CNTN6: variants seen among roughly 807,000 people sequenced by gnomAD.
The protein encoded by CNTN6 is contactin-6.
In CNTN6, 137 loss-of-function variants were observed where a neutral mutation model predicts 122.8. The ratio of observed to expected loss-of-function variants is 1.12; its 90% CI spans 0.97 to 1.29. The LOEUF (loss-of-function observed/expected upper bound fraction) is 1.29, where lower values mean the gene tolerates loss of function less well. Ranked by LOEUF, CNTN6 falls within the 50% of genes most tolerant of loss-of-function variation. The pLI is 0.00. For synonymous variants in CNTN6, 570 were observed against 426.0 expected (o/e 1.34, Z -4.16); for missense variants, 1,634 against 1,223.4 (o/e 1.34, Z -5.01).
intron 4 of CNTN6, among the ~76,000 whole-genome samples, chr3:1,237,888 C>G (rs2094440386): frequency 6.6e-6 from 1 of 151,782 alleles, no homozygotes; most frequent in Non-Finnish European, 1.5e-5. Context: ...ACAAGAACAG[C>G]TAAAAAGAGC....
intron 12 of CNTN6, 71 bp downstream of exon 12, chr3:1,352,522 G>GC: frequency 6.4e-7 from 1 of 1,559,430 alleles, no homozygotes; most frequent in Non-Finnish European, 8.8e-7. Context: ...TTGTGTTATG[G>GC]TGTCAAACCT....
At chr3:1,102,402 C>A (rs2090949192) in intron 1 of CNTN6, among the ~76,000 whole-genome samples, 1 of 152,152 alleles carries the variant, frequency 6.6e-6, no homozygotes, top group Non-Finnish European at 1.5e-5. Context: ...ATCAGGTGTG[C>A]CGCTAATTTT....
At chr3:1,248,223 C>G (rs978610290) in intron 4 of CNTN6, among the ~76,000 whole-genome samples, 1 of 152,086 alleles carries the variant, frequency 6.6e-6, no homozygotes, top group Non-Finnish European at 1.5e-5. Context: ...TATTCTAGTT[C>G]TCAAATTGAT....
chr3:1,348,507 G>A (rs746052188), intron 11 of CNTN6, among the ~76,000 whole-genome samples: 30 of 151,998 alleles, frequency 2.0e-4, no homozygotes, highest in Non-Finnish European at 3.8e-4. Flanking sequence ...TCACATTTTA[G>A]AGAGTTATTA....
intron 4 of CNTN6, among the ~76,000 whole-genome samples, chr3:1,255,143 T>C (rs2094732762): frequency 6.6e-6 from 1 of 152,184 alleles, no homozygotes; most frequent in Admixed American, 6.5e-5. Flanking sequence ...ACACAGCTAC[T>C]TGAGGCATAT....
chr3:1,190,342 G>A (rs1438859101), intron 2 of CNTN6, among the ~76,000 whole-genome samples: 2 of 152,118 alleles, frequency 1.3e-5, no homozygotes, highest in African/African-American at 2.4e-5. Flanking sequence ...TACATTTTAA[G>A]AGCACATAAC....
Position 1,352,337 on chromosome 3 carries a change from G to T in CNTN6, c.1378G>T (p.Glu460Ter). The change falls in exon 12 of 23, where the codon GAG becomes TAG. Residue 460 changes from glutamate to a stop codon, truncating the protein, a stop_gained. Coordinates refer to ENST00000446702, the MANE Select transcript of CNTN6 (RefSeq NM_001289080.2). LOFTEE classifies it high-confidence loss of function. The stretch of plus-strand genomic sequence containing the variant: ...TTTTCTTTTTAGAATATTTCTCTTG[G>T]AGGATGGCAGCCTCAAGATATATAA... ...LRQSKRIFLL[E>*]DGSLKIYNIT... 1 of 1,526,392 alleles carries T rather than the reference G, an allele frequency of 6.6e-7. No homozygotes were observed. Among genetic ancestry groups the T allele is most frequent in the South Asian group, 1.2e-5 (1 of 80,972 alleles). 94.6% of individuals were successfully genotyped at this position (1,526,392 alleles called of 1,614,324 possible). A position where few individuals can be genotyped will look rare whatever the true frequency, so the allele number is the denominator to read the frequency against.
At chr3:1,229,897 A>C (rs1305580681) in intron 4 of CNTN6, among the ~76,000 whole-genome samples, 2 of 152,218 alleles carry the variant, frequency 1.3e-5, no homozygotes, top group Non-Finnish European at 1.5e-5. Context: ...TCCATTAACT[A>C]ATCTTTCTTC....
chr3:1,214,757 C>T (rs960596459), intron 2 of CNTN6, among the ~76,000 whole-genome samples: 2 of 151,978 alleles, frequency 1.3e-5, no homozygotes, highest in African/African-American at 2.4e-5. Flanking sequence ...CTTTTTTACT[C>T]TGTGTATGTA....
intron 7 of CNTN6, among the ~76,000 whole-genome samples, chr3:1,306,338 C>G (rs999777236): frequency 5.3e-5 from 8 of 152,076 alleles, no homozygotes; most frequent in African/African-American, 1.9e-4. Context: ...ATAAAATAAT[C>G]AAGTAAACTC....
chr3:1,143,472 C>T (rs1239548204), intron 1 of CNTN6, among the ~76,000 whole-genome samples: 1 of 152,012 alleles, frequency 6.6e-6, no homozygotes, highest in Non-Finnish European at 1.5e-5. Context: ...TTTATTACAC[C>T]ATTTTGCCTC....
At chr3:1,147,359 G>A (rs530777298) in intron 1 of CNTN6, among the ~76,000 whole-genome samples, 1 of 152,132 alleles carries the variant, frequency 6.6e-6, no homozygotes, top group African/African-American at 2.4e-5. Context: ...CATAATAACT[G>A]AGCTTAATTG....
At chr3:1,300,394 C>A (rs1197799176) in intron 7 of CNTN6, among the ~76,000 whole-genome samples, 1 of 150,902 alleles carries the variant, frequency 6.6e-6, no homozygotes, top group African/African-American at 2.4e-5. Flanking sequence ...GTCCTGTTCT[C>A]TCTGTCTCAG....
intron 20 of CNTN6, among the ~76,000 whole-genome samples, chr3:1,392,090 A>G (rs1460391005): frequency 2.0e-5 from 3 of 152,220 alleles, no homozygotes; most frequent in Non-Finnish European, 4.4e-5. Context: ...AAGAGCCCGC[A>G]TCGCCAAGTC....
chr3:1,395,738 G>A (rs768018839), intron 20 of CNTN6, among the ~76,000 whole-genome samples: 1 of 152,076 alleles, frequency 6.6e-6, no homozygotes, highest in African/African-American at 2.4e-5. Context: ...ATGTTTTGGG[G>A]GATCCTTATT....
chr3:1,297,740 G>A (rs1429051771), intron 6 of CNTN6, 149 bp from the exon 7 acceptor site: 26 of 557,912 alleles, frequency 4.7e-5, no homozygotes, highest in Middle Eastern at 9.6e-4. Context: ...AAACACAGAA[G>A]CATTTTAGAA....
At chr3:1,241,321 G>A (rs966292571) in intron 4 of CNTN6, among the ~76,000 whole-genome samples, 16 of 151,878 alleles carry the variant, frequency 1.1e-4, no homozygotes, top group Admixed American at 9.8e-4. Flanking sequence ...GGGGTGGTAT[G>A]GAGAGAGAAC....
chr3:1,403,288 A>G, intron 22 of CNTN6, 30 bp from the exon 23 acceptor site: 1 of 1,460,290 alleles, frequency 6.8e-7, no homozygotes, highest in Admixed American at 1.7e-5. Context: ...TTATCTCAAA[A>G]TATTTTTGTC....
In CNTN6 at chr3:1,370,474, G is replaced by A. The variant is rs147323114; in HGVS notation, c.1493-1825G>A. ...TTACCCTTATTTTGGTTGCAAATCT[G>A]TGAAGAAGCCTTGGAATTAAGAATG... On this transcript the variant is annotated intron_variant, in intron 12 of 22. Transcript: ENST00000446702. 5.1e-3 allele frequency among the ~76,000 whole-genome samples: 778 copies of A among 152,230 alleles called. 12 individuals carry two copies. Among genetic ancestry groups the A allele is most frequent in the African/African-American group, 0.018 (732 of 41,534 alleles).
Sources: gnomAD v4.1 joint callset for allele counts (sites outside exome capture counted in the v4.1 genomes callset) on GRCh38, gnomAD v4.1.1 for gene constraint, MANE v1.5 for transcripts, NCBI Gene and HGNC (gene_info 2026-07-23, HGNC 2026-07-21) for gene names.